The following CTNNA2 variants were observed in gnomAD, a reference collection of about 807,000 sequenced individuals.
The protein encoded by CTNNA2 is catenin alpha-2.
CTNNA2 carries 42 observed loss-of-function variants against 101.0 expected under a neutral mutation model. The ratio of observed to expected loss-of-function variants is 0.42; its 90% CI spans 0.32 to 0.54. The LOEUF is 0.54. CTNNA2 is among the 20% of genes least tolerant of loss of function. The probability of loss-of-function intolerance (pLI) is 0.14; values close to 1 mark genes in which losing one functional copy is unlikely to be tolerated. For synonymous variants in CTNNA2, 450 were observed against 456.4 expected, an observed-to-expected ratio of 0.99 and a Z score of 0.18; for missense variants, 871 against 1,223.1, an observed-to-expected ratio of 0.71 and a Z score of 4.29.
chr2:80,313,370 T>C, intron 7 of CTNNA2: 1 of 1,350,816 alleles, frequency 7.4e-7, no homozygotes, highest in African/African-American at 1.5e-5. Context: ...GATGGAATTT[T>C]ACCCGATGAG....
At chr2:79,255,370 TC>T (rs1460601332) in intron 2 of CTNNA2, among the ~76,000 whole-genome samples, 4 of 152,154 alleles carry the variant, frequency 2.6e-5, no homozygotes, top group Non-Finnish European at 4.4e-5. Flanking sequence ...AATTCAGAGC[TC>T]CCAAATTTAC....
At chr2:79,190,562 G>A (rs904190196) in intron 1 of CTNNA2, among the ~76,000 whole-genome samples, 23 of 152,000 alleles carry the variant, frequency 1.5e-4, no homozygotes, top group African/African-American at 4.3e-4. Context: ...TTCTGAGGCT[G>A]GAAAGTAGAC....
chr2:80,022,309 A>G lies in CTNNA2; in HGVS notation c.1056+112512A>G, dbSNP rs540048298. Among the ~76,000 whole-genome samples the G allele has an allele frequency of 2.0e-5, 3 of 152,332 alleles. No homozygotes were observed. In the East Asian group the frequency reaches 5.8e-4, roughly 29 times the overall value. On this transcript the variant is annotated intron_variant, in intron 7 of 18. Transcript: ENST00000402739. The stretch of plus-strand genomic sequence containing the variant: ...GTAAAACAGATATGATTCTTTCCTC[A>G]GGGATTTTATTGTCAGGTGAGGGAA...
intron 7 of CTNNA2, among the ~76,000 whole-genome samples, chr2:79,978,727 C>A (rs1366729172): frequency 1.3e-5 from 2 of 152,158 alleles, no homozygotes; most frequent in Admixed American, 6.6e-5. Context: ...GTTGGAAACA[C>A]GCCTCTAGGC....
In CTNNA2 at chr2:79,982,230, A is replaced by ATAT. The variant is rs1343953163; in HGVS notation, c.1056+72434_1056+72436dup. Among the ~76,000 whole-genome samples the ATAT allele has an allele frequency of 1.6e-4, 15 of 96,432 alleles. 1 individual carries two copies. The highest frequency in any genetic ancestry group is 7.0e-4 in the African/African-American group (15 of 21,486). The allele number at this position is 96,432 out of a possible 152,430, so 63.3% of individuals were successfully genotyped here. A position where few individuals can be genotyped will look rare whatever the true frequency, so the allele number is the denominator to read the frequency against. The stretch of plus-strand genomic sequence containing the variant: ...TATATATATATATATATATATATAT[A>ATAT]TATATATATATGTATGTATATGTAC... On this transcript the variant is annotated intron_variant, in intron 7 of 18. Transcript: ENST00000402739.
At chr2:79,607,820 T>A (rs1677995452) in intron 1 of CTNNA2, among the ~76,000 whole-genome samples, 1 of 151,864 alleles carries the variant, frequency 6.6e-6, no homozygotes, top group Non-Finnish European at 1.5e-5. Flanking sequence ...AAAAGAAATA[T>A]CTCAAATTAA....
intron 7 of CTNNA2, among the ~76,000 whole-genome samples, chr2:80,104,584 C>T (rs916849774): frequency 6.6e-6 from 1 of 152,176 alleles, no homozygotes; most frequent in South Asian, 2.1e-4. Flanking sequence ...TGTTCTGGGT[C>T]ATTTACCTTG....
intron 4 of CTNNA2, among the ~76,000 whole-genome samples, chr2:79,396,582 T>C (rs1678234273): frequency 6.6e-6 from 1 of 152,288 alleles, no homozygotes; most frequent in East Asian, 1.9e-4. Context: ...AATCCATAAC[T>C]ATAAAATTTC....
At chr2:80,181,847 G>A (rs1467014308) in intron 7 of CTNNA2, among the ~76,000 whole-genome samples, 1 of 152,146 alleles carries the variant, frequency 6.6e-6, no homozygotes. Context: ...GACTATCAGT[G>A]TTCTCCATGC....
chr2:80,101,517 GT>G, intron 7 of CTNNA2, among the ~76,000 whole-genome samples: 1 of 152,270 alleles, frequency 6.6e-6, no homozygotes, highest in East Asian at 1.9e-4. Flanking sequence ...GAATACATTT[GT>G]TTAATCAAGT....
At chr2:79,966,569 C>T (rs1444442276) in intron 7 of CTNNA2, among the ~76,000 whole-genome samples, 2 of 152,096 alleles carry the variant, frequency 1.3e-5, no homozygotes, top group African/African-American at 2.4e-5. Context: ...CGTCATTAAC[C>T]TTAACAGCCC....
intron 7 of CTNNA2, among the ~76,000 whole-genome samples, chr2:80,356,233 A>G (rs1357371538): frequency 6.6e-6 from 1 of 152,174 alleles, no homozygotes; most frequent in South Asian, 2.1e-4. Flanking sequence ...AAACCAGGTA[A>G]GTGGATTTAA....
chr2:80,184,602 A>T (rs1451199280), intron 7 of CTNNA2, among the ~76,000 whole-genome samples: 1 of 152,132 alleles, frequency 6.6e-6, no homozygotes, highest in African/African-American at 2.4e-5. Context: ...GGTCAAGGAG[A>T]GCCATTTTGA....
In CTNNA2 at chr2:79,268,430, C is replaced by G. The variant is rs560915747; in HGVS notation, c.-405-44279C>G. ...TACCTCACCCCATGCACCTCTTCAT[C>G]TGTATTCTTTGTAACATTCTTTGTA... On this transcript the variant is annotated intron_variant, in intron 2 of 21. Coordinates refer to the CTNNA2 transcript ENST00000466387. Among the ~76,000 whole-genome samples, 130 of 152,228 alleles carry G rather than the reference C, an allele frequency of 8.5e-4. 1 individual carries two copies. Among genetic ancestry groups the G allele is most frequent in the African/African-American group, 2.9e-3 (119 of 41,556 alleles).
intron 4 of CTNNA2, among the ~76,000 whole-genome samples, chr2:79,450,890 T>G (rs897451532): frequency 1.3e-5 from 2 of 152,110 alleles, no homozygotes; most frequent in Non-Finnish European, 2.9e-5. Context: ...GCCTAGGTGG[T>G]TGGAGCCCAT....
intron 2 of CTNNA2, among the ~76,000 whole-genome samples, chr2:79,198,330 G>C (rs976870475): frequency 2.6e-5 from 4 of 151,978 alleles, no homozygotes; most frequent in Non-Finnish European, 5.9e-5. Flanking sequence ...AAATAAGCAT[G>C]GATTGGTTTT....
chr2:80,168,514 T>G (rs1422348685), intron 7 of CTNNA2, among the ~76,000 whole-genome samples: 1 of 152,124 alleles, frequency 6.6e-6, no homozygotes, highest in Non-Finnish European at 1.5e-5. Context: ...CCTCCCCTCC[T>G]CCTTCTGATC....
At chr2:79,379,833 A>T (rs1678019678) in intron 4 of CTNNA2, among the ~76,000 whole-genome samples, 1 of 152,152 alleles carries the variant, frequency 6.6e-6, no homozygotes, top group Non-Finnish European at 1.5e-5. Flanking sequence ...GCCCTAGTTA[A>T]CTTTCTGGAA....
intron 2 of CTNNA2, among the ~76,000 whole-genome samples, chr2:79,684,798 T>C (rs796992063): frequency 1.8e-4 from 28 of 152,312 alleles, no homozygotes; most frequent in African/African-American, 6.3e-4. Context: ...TTTCTTTATT[T>C]ATGTCTGTAG....
Sources: allele counts gnomAD v4.1 joint callset (sites outside exome capture counted in the v4.1 genomes callset), GRCh38; gene constraint gnomAD v4.1.1; transcripts MANE v1.5; gene names NCBI Gene and HGNC (gene_info 2026-07-23, HGNC 2026-07-21).